The following RTN4 variants were observed in gnomAD, a reference collection of about 807,000 sequenced individuals.
The protein encoded by RTN4 is reticulon-4.
Under a neutral mutation model 90.4 loss-of-function variants are expected in RTN4, and 32 were observed. The ratio of observed to expected loss-of-function variants is 0.35; its 90% CI spans 0.27 to 0.48. The LOEUF (loss-of-function observed/expected upper bound fraction) is 0.48. RTN4 is among the 20% of genes least tolerant of loss of function. RTN4 has a pLI of 0.99. For synonymous variants in RTN4, 629 were observed against 552.5 expected (o/e 1.14, Z -1.94); for missense variants, 1,706 against 1,430.2 (o/e 1.19, Z -3.11).
At chr2:54,975,262 C>T (rs1677528706) in intron 5 of RTN4, among the ~76,000 whole-genome samples, 3 of 152,188 alleles carry the variant, frequency 2.0e-5, no homozygotes, top group Non-Finnish European at 1.5e-5. Flanking sequence ...CACCTCTAGC[C>T]TTTGAAGGAT....
At chr2:55,044,287 G>A (rs1342084617) in intron 1 of RTN4, among the ~76,000 whole-genome samples, 1 of 151,990 alleles carries the variant, frequency 6.6e-6, no homozygotes, top group East Asian at 1.9e-4. Flanking sequence ...GCTACCTGGG[G>A]GGCTGAAGTG....
chr2:55,113,522 G>A (rs1668073480), upstream of RTN4, among the ~76,000 whole-genome samples: 1 of 152,158 alleles, frequency 6.6e-6, no homozygotes, highest in Non-Finnish European at 1.5e-5. Flanking sequence ...GGTGGTGGTG[G>A]TAGTTGCTCT....
intron 3 of RTN4, among the ~76,000 whole-genome samples, chr2:55,021,104 AT>A (rs975255459): frequency 6.6e-6 from 1 of 152,174 alleles, no homozygotes; most frequent in Non-Finnish European, 1.5e-5. Context: ...AAGACCCAGA[AT>A]TTTTTTAAAA....
In RTN4 at chr2:55,058,327, T is replaced by A. The variant is rs549744992; in HGVS notation, c.-63+22162A>T. ...AGCTCCCCACGGATCTTACCAAAACTAGGCTGAGATATGATGTAGGAGGGA... is the reference window on the plus strand; with the variant it reads ...AGCTCCCCACGGATCTTACCAAAACAAGGCTGAGATATGATGTAGGAGGGA... On this transcript the variant is annotated intron_variant, in intron 2 of 3. Transcript: ENST00000427710. Among the ~76,000 whole-genome samples, 6 of 152,332 alleles carry A rather than the reference T, an allele frequency of 3.9e-5. No homozygotes were observed. In the South Asian group the frequency reaches 1.2e-3, roughly 32 times the overall value.
At chr2:55,086,794 T>A (rs1390083509) in intron 1 of RTN4, among the ~76,000 whole-genome samples, 1 of 151,888 alleles carries the variant, frequency 6.6e-6, no homozygotes, top group African/African-American at 2.4e-5. Flanking sequence ...TCTTTCACTG[T>A]CAACCAATTT....
chr2:55,067,611 C>T (rs892911190), intron 2 of RTN4, among the ~76,000 whole-genome samples: 3 of 152,064 alleles, frequency 2.0e-5, no homozygotes, highest in African/African-American at 7.2e-5. Context: ...GATAGGATTT[C>T]ACCATGTTGG....
In RTN4 at chr2:55,025,848, C is replaced by A. The variant is rs755720359; in HGVS notation, c.2251G>T (p.Asp751Tyr). 1 of 1,613,734 alleles carries A rather than the reference C, an allele frequency of 6.2e-7. No individual in the cohort carries two copies. The highest frequency in any genetic ancestry group is 1.1e-5 in the South Asian group (1 of 91,070). Residue 751 changes from aspartate to tyrosine, a missense_variant, in exon 3 of 9, where the codon GAT (aspartate) becomes TAT (tyrosine). Physicochemically the swap from Asp to Tyr is radical, Grantham distance 160 (BLOSUM62 -3). Coordinates refer to ENST00000337526, the MANE Select transcript of RTN4 (RefSeq NM_020532.5). ...DSEPVDLFSD[D>Y]SIPDVPQKQD... is the part of the protein sequence containing the mutation. ...TTTTGTGGAACGTCAGGTATTGAAT[C>A]ATCACTAAATAAGTCAACTGGTTCA...
At chr2:55,083,720 A>T (rs1212394082) in intron 1 of RTN4, among the ~76,000 whole-genome samples, 1 of 152,230 alleles carries the variant, frequency 6.6e-6, no homozygotes, top group African/African-American at 2.4e-5. Flanking sequence ...GCCTATTTAA[A>T]ATGGGGACTA....
At chr2:55,101,872 G>C (rs1037204942) in intron 1 of RTN4, among the ~76,000 whole-genome samples, 5 of 152,046 alleles carry the variant, frequency 3.3e-5, no homozygotes, top group African/African-American at 1.2e-4. Context: ...TATTTCATCA[G>C]CACATTCAAA....
upstream of RTN4, among the ~76,000 whole-genome samples, chr2:55,051,919 AT>A (rs148468403): frequency 0.1 from 15,764 of 152,242 alleles, 826 homozygotes; most frequent in Middle Eastern, 0.15. Context: ...CTCACATTAT[AT>A]TTCTTTTGGA....
At chr2:55,022,930 C>CACACACACACACACACACA (rs1036253097) in intron 3 of RTN4, among the ~76,000 whole-genome samples, 26 of 150,378 alleles carry the variant, frequency 1.7e-4, no homozygotes, top group East Asian at 5.9e-4. Context: ...CACACACACA[C>CACACACACACACACACACA]CCTGCTCTCC....
chr2:55,086,056 G>A (rs1199136103), intron 1 of RTN4, among the ~76,000 whole-genome samples: 3 of 152,168 alleles, frequency 2.0e-5, no homozygotes, highest in Non-Finnish European at 2.9e-5. Flanking sequence ...ATCAGATAGA[G>A]CCCTTTCTTC....
chr2:55,134,572 G>A, the RTN4 span, among the ~76,000 whole-genome samples: 1 of 152,324 alleles, frequency 6.6e-6, no homozygotes, highest in Admixed American at 6.5e-5. Flanking sequence ...TTTGCTTCCT[G>A]ACATAAACAG....
chr2:55,061,469 T>C (rs1558862940), intron 2 of RTN4, among the ~76,000 whole-genome samples: 2 of 152,234 alleles, frequency 1.3e-5, no homozygotes, highest in African/African-American at 2.4e-5. Flanking sequence ...GTCCACGCAA[T>C]GTCCTTTACA....
intron 2 of RTN4, among the ~76,000 whole-genome samples, chr2:55,063,601 C>T (rs572073789): frequency 2.0e-5 from 3 of 151,984 alleles, no homozygotes; most frequent in Admixed American, 1.3e-4. Flanking sequence ...TTATTCTGGG[C>T]CCGACGCAGT....
intron 1 of RTN4, among the ~76,000 whole-genome samples, chr2:55,048,189 C>T (rs139917547): frequency 2.0e-5 from 3 of 152,322 alleles, no homozygotes; most frequent in Non-Finnish European, 4.4e-5. Flanking sequence ...AGATGGCACA[C>T]GTGTGCAGGG....
intron 3 of RTN4, among the ~76,000 whole-genome samples, chr2:55,009,546 A>G (rs150022583): frequency 1.3e-5 from 2 of 152,318 alleles, no homozygotes; most frequent in African/African-American, 4.8e-5. Context: ...TTACTGCGTA[A>G]TTATACTGTG....
chr2:55,013,130 T>C (rs1469105785), intron 3 of RTN4, among the ~76,000 whole-genome samples: 4 of 152,192 alleles, frequency 2.6e-5, no homozygotes, highest in Non-Finnish European at 2.9e-5. Context: ...AACTCCTTTA[T>C]TTATACTGCA....
the RTN4 span, among the ~76,000 whole-genome samples, chr2:55,131,271 C>G: frequency 4.6e-5 from 7 of 151,878 alleles, no homozygotes; most frequent in African/African-American, 1.7e-4. Flanking sequence ...TGCAGTGGTG[C>G]AATCTCAGCT....
Sources: gnomAD v4.1 joint callset for allele counts (sites outside exome capture counted in the v4.1 genomes callset) on GRCh38, gnomAD v4.1.1 for gene constraint, MANE v1.5 for transcripts, NCBI Gene and HGNC (gene_info 2026-07-23, HGNC 2026-07-21) for gene names.